COP1: variants seen among roughly 807,000 people sequenced by gnomAD.
The protein encoded by COP1 is COP1 E3 ubiquitin ligase.
COP1 carries 24 observed loss-of-function variants against 101.3 expected under a neutral mutation model. That is an observed-to-expected ratio of 0.24 (90% confidence interval 0.17 to 0.33). The LOEUF (loss-of-function observed/expected upper bound fraction) is 0.33. Ranked by LOEUF, COP1 falls within the 10% of genes least tolerant of loss-of-function variation. The pLI, the probability that COP1 is intolerant of heterozygous loss-of-function variation, is 1.00. For missense variants in COP1, 663 were observed against 906.2 expected (o/e 0.73, Z 3.45); for synonymous variants, 347 against 341.9 (o/e 1.01, Z -0.17).
chr1:176,109,594 TA>T (rs1465048152), intron 9 of COP1, among the ~76,000 whole-genome samples: 3 of 151,924 alleles, frequency 2.0e-5, no homozygotes, highest in South Asian at 2.1e-4. Context: ...TACACACCCT[TA>T]AAAAAAACTA....
intron 15 of COP1, chr1:176,017,681 C>T (rs1049276863): frequency 1.3e-4 from 20 of 152,282 alleles, no homozygotes; most frequent in African/African-American, 4.6e-4. Context: ...TGCGCCACCA[C>T]ACCTGGTTAA....
intron 9 of COP1, among the ~76,000 whole-genome samples, chr1:176,106,714 T>C (rs1222777121): frequency 6.6e-6 from 1 of 152,186 alleles, no homozygotes; most frequent in East Asian, 1.9e-4. Context: ...ACCCACCAAG[T>C]TGTCCTTAAA....
In COP1 at chr1:176,136,475, C is replaced by A. The variant is rs1487473999; in HGVS notation, c.891+13G>T. 6.4e-7 allele frequency: 1 copy of A among 1,565,898 alleles called. No homozygotes were observed. The highest frequency in any genetic ancestry group is 2.3e-5 in the East Asian group (1 of 43,946). ...AAAATTGCTAAGGATGTGAGAAATT[C>A]TTGATTCCTTACTTCCACTCTCTTA... is the stretch of plus-strand genomic sequence containing the variant. On this transcript the variant is annotated intron_variant, in intron 7 of 19. Transcript: ENST00000367669.
At chr1:176,005,571 C>A (rs1467658840) in intron 15 of COP1, among the ~76,000 whole-genome samples, 1 of 152,174 alleles carries the variant, frequency 6.6e-6, no homozygotes, top group Non-Finnish European at 1.5e-5. Flanking sequence ...TTGTTGTTTT[C>A]AAAGAACATC....
intron 14 of COP1, among the ~76,000 whole-genome samples, chr1:176,028,908 C>T (rs1219256209): frequency 6.6e-6 from 1 of 151,050 alleles, no homozygotes; most frequent in Non-Finnish European, 1.5e-5. Flanking sequence ...TGTCACCAGG[C>T]CTAGCTACCT....
intron 18 of COP1, among the ~76,000 whole-genome samples, chr1:175,959,605 T>C (rs74387136): frequency 0.066 from 9,999 of 152,140 alleles, 449 homozygotes; most frequent in Non-Finnish European, 0.087. Flanking sequence ...TTTAGCAAGA[T>C]GGTTGGATTA....
At chr1:176,073,385 A>G (rs1014768567) in intron 11 of COP1, among the ~76,000 whole-genome samples, 2 of 152,182 alleles carry the variant, frequency 1.3e-5, no homozygotes, top group African/African-American at 4.8e-5. Context: ...AAAACTCTCT[A>G]GAGGTAGAAT....
intron 1 of COP1, among the ~76,000 whole-genome samples, chr1:176,186,961 G>A (rs1398130524): frequency 6.6e-6 from 1 of 152,140 alleles, no homozygotes. Flanking sequence ...TCATCCGTTA[G>A]TTTATTTAAA....
chr1:175,988,417 G>A lies in COP1; in HGVS notation c.1848-5C>T. On this transcript the variant is annotated splice_polypyrimidine_tract_variant and splice_region_variant and intron_variant, in intron 16 of 19. Coordinates refer to ENST00000367669, the MANE Select transcript of COP1 (RefSeq NM_022457.7). ...TTTAGCTGACTGTCTGTTGAGCTGA[G>A]GAAAAGTACAAAGAGTAAGAACTTA... is the stretch of plus-strand genomic sequence containing the variant. 6.3e-7 allele frequency: 1 copy of A among 1,589,212 alleles called. No homozygotes were observed. Among genetic ancestry groups the A allele is most frequent in the Non-Finnish European group, 8.6e-7 (1 of 1,165,258 alleles).
Position 176,061,267 on chromosome 1 carries a change from C to G in COP1, c.1278-14943G>C, listed in dbSNP as rs1399414660. On this transcript the variant is annotated intron_variant, in intron 11 of 19. Coordinates refer to ENST00000367669, the MANE Select transcript of COP1 (RefSeq NM_022457.7). ...AATTCATTTTAAACAAAGATGCCAACAGGAAAAGGTTATCTTTTGATCAAA... is the reference window on the plus strand; with the variant it reads ...AATTCATTTTAAACAAAGATGCCAAGAGGAAAAGGTTATCTTTTGATCAAA... Among the ~76,000 whole-genome samples, 3 of 152,212 alleles carry G rather than the reference C, an allele frequency of 2.0e-5. No individual in the cohort carries two copies. The East Asian group carries it at 5.8e-4, about 29-fold the overall frequency.
chr1:176,147,803 G>A (rs1294230792), intron 6 of COP1, among the ~76,000 whole-genome samples: 3 of 152,200 alleles, frequency 2.0e-5, no homozygotes, highest in Non-Finnish European at 4.4e-5. Context: ...AAGAATTAAT[G>A]TTGGAAAGGA....
At chr1:176,028,696 C>CATATATATATATATATAT (rs369887649) in intron 14 of COP1, among the ~76,000 whole-genome samples, 1,371 of 47,602 alleles carry the variant, frequency 0.029, 133 homozygotes, top group Non-Finnish European at 0.036. Flanking sequence ...ATATTTGTTT[C>CATATATATATATATATAT]ATATATATAT....
Position 175,961,104 on chromosome 1 carries a change from A to C in COP1, c.2134-13865T>G, listed in dbSNP as rs549857633. ...CTTTTGGACTCTGGGACTTGCATCA[A>C]TGGGCCCTCAAATTCTCAGGCCTTT... On this transcript the variant is annotated intron_variant, in intron 18 of 19. Coordinates refer to ENST00000367669, the MANE Select transcript of COP1 (RefSeq NM_022457.7). Among the ~76,000 whole-genome samples, 63 of 152,304 alleles carry C rather than the reference A, an allele frequency of 4.1e-4. 1 individual carries two copies. In the South Asian group the frequency reaches 0.013, roughly 31 times the overall value.
At chr1:175,951,736 A>G (rs1453052504) in intron 18 of COP1, among the ~76,000 whole-genome samples, 1 of 152,002 alleles carries the variant, frequency 6.6e-6, no homozygotes, top group Non-Finnish European at 1.5e-5. Flanking sequence ...ATTTGGTAAC[A>G]CCTCCAAAAT....
chr1:175,967,527 A>G (rs925460899), intron 18 of COP1, among the ~76,000 whole-genome samples: 1 of 151,660 alleles, frequency 6.6e-6, no homozygotes, highest in African/African-American at 2.4e-5. Flanking sequence ...AAACAAACCC[A>G]GCTGTGGCTG....
At chr1:176,070,334 CT>C (rs558421046) in intron 11 of COP1, among the ~76,000 whole-genome samples, 13,948 of 138,568 alleles carry the variant, frequency 0.1, 818 homozygotes, top group East Asian at 0.29. Flanking sequence ...CTTGTGCTGC[CT>C]TTTTTTTTTT....
chr1:176,133,450 C>T (rs1352934329), intron 8 of COP1, among the ~76,000 whole-genome samples: 1 of 151,844 alleles, frequency 6.6e-6, no homozygotes, highest in Non-Finnish European at 1.5e-5. Flanking sequence ...CCATCACTGA[C>T]TGAAACGTCA....
At chr1:176,013,800 T>C (rs1290419614) in intron 15 of COP1, among the ~76,000 whole-genome samples, 1 of 152,206 alleles carries the variant, frequency 6.6e-6, no homozygotes, top group Non-Finnish European at 1.5e-5. Context: ...CAGAAAAAAT[T>C]AAAATTCCAG....
chr1:176,174,023 T>C (rs1030851423), intron 3 of COP1, among the ~76,000 whole-genome samples: 5 of 129,568 alleles, frequency 3.9e-5, no homozygotes, highest in Non-Finnish European at 5.0e-5. Context: ...ATATATATAA[T>C]GTAGGGGATC....
Sources: gnomAD v4.1 joint callset for allele counts (sites outside exome capture counted in the v4.1 genomes callset) on GRCh38, gnomAD v4.1.1 for gene constraint, MANE v1.5 for transcripts, NCBI Gene and HGNC (gene_info 2026-07-23, HGNC 2026-07-21) for gene names.